The following SPAG16 variants were observed in gnomAD, a reference collection of about 807,000 sequenced individuals.
SPAG16 encodes sperm-associated antigen 16 protein.
Under a neutral mutation model 80.4 loss-of-function variants are expected in SPAG16, and 86 were observed. The ratio of observed to expected loss-of-function variants is 1.07; its 90% CI spans 0.90 to 1.28. The LOEUF (loss-of-function observed/expected upper bound fraction) is 1.28. Ranked by LOEUF, SPAG16 falls within the 50% of genes most tolerant of loss-of-function variation. The probability of loss-of-function intolerance (pLI) is 0.00; values close to 1 mark genes in which losing one functional copy is unlikely to be tolerated. For missense variants in SPAG16, 870 were observed against 765.3 expected, an observed-to-expected ratio of 1.14 and a Z score of -1.61; for synonymous variants, 294 against 265.9, an observed-to-expected ratio of 1.11 and a Z score of -1.03.
intron 13 of SPAG16, among the ~76,000 whole-genome samples, chr2:214,045,102 G>T (rs1051080191): frequency 6.6e-6 from 1 of 152,106 alleles, no homozygotes; most frequent in Non-Finnish European, 1.5e-5. Flanking sequence ...CCAGCCCCAG[G>T]CTGCACAGCT....
intron 12 of SPAG16, among the ~76,000 whole-genome samples, chr2:213,965,199 C>T (rs2044648261): frequency 6.6e-6 from 1 of 152,188 alleles, no homozygotes; most frequent in Non-Finnish European, 1.5e-5. Flanking sequence ...GCATAGAGTG[C>T]AGTCCCCCTG....
chr2:214,122,485 T>C (rs1006485462), intron 14 of SPAG16, among the ~76,000 whole-genome samples: 1 of 151,888 alleles, frequency 6.6e-6, no homozygotes. Context: ...GTCTCCACTT[T>C]AGCAAAGGAA....
intron 6 of SPAG16, among the ~76,000 whole-genome samples, chr2:213,346,222 C>A (rs1316095236): frequency 6.6e-6 from 1 of 152,148 alleles, no homozygotes; most frequent in Admixed American, 6.5e-5. Context: ...GATTTTTGCA[C>A]ATTGATTTTG....
chr2:214,117,237 A>G (rs1382427538), intron 14 of SPAG16, among the ~76,000 whole-genome samples: 2 of 151,662 alleles, frequency 1.3e-5, no homozygotes, highest in East Asian at 3.9e-4. Flanking sequence ...AGTGGAGAGC[A>G]TTAACAGCAG....
chr2:213,571,882 A>C (rs1178487232), intron 10 of SPAG16, among the ~76,000 whole-genome samples: 1 of 137,048 alleles, frequency 7.3e-6, no homozygotes, highest in Non-Finnish European at 1.5e-5. Flanking sequence ...CACCAATCAG[A>C]CATAGATTTG....
At chr2:213,569,909 C>T (rs2059862530) in intron 10 of SPAG16, among the ~76,000 whole-genome samples, 1 of 133,318 alleles carries the variant, frequency 7.5e-6, no homozygotes, top group Non-Finnish European at 1.5e-5. Flanking sequence ...GTCACAATTT[C>T]AGAGCCTGTT....
chr2:213,797,128 G>A (rs1466000718), intron 10 of SPAG16, among the ~76,000 whole-genome samples: 1 of 151,728 alleles, frequency 6.6e-6, no homozygotes, highest in Non-Finnish European at 1.5e-5. Flanking sequence ...GCTGTACAAT[G>A]TATGTTTTAA....
At chr2:213,420,037 C>T (rs899154285) in intron 9 of SPAG16, among the ~76,000 whole-genome samples, 3 of 152,052 alleles carry the variant, frequency 2.0e-5, no homozygotes, top group African/African-American at 7.2e-5. Flanking sequence ...TTTTTTTATA[C>T]CTTTATTTTA....
chr2:213,349,849 T>TG (rs1305814901), intron 6 of SPAG16, among the ~76,000 whole-genome samples: 3 of 152,186 alleles, frequency 2.0e-5, no homozygotes, highest in Non-Finnish European at 4.4e-5. Flanking sequence ...TAGAATTTTC[T>TG]GGGGTGTTAG....
intron 9 of SPAG16, among the ~76,000 whole-genome samples, chr2:213,429,907 G>A (rs1198843191): frequency 2.0e-5 from 3 of 152,116 alleles, no homozygotes; most frequent in African/African-American, 4.8e-5. Context: ...ATAAATTAGT[G>A]TAATAACATA....
intron 10 of SPAG16, among the ~76,000 whole-genome samples, chr2:213,588,595 G>A (rs1166908480): frequency 1.3e-5 from 2 of 150,822 alleles, no homozygotes; most frequent in African/African-American, 2.4e-5. Flanking sequence ...GAGGTCAGGA[G>A]ATCGAGACCA....
At chr2:214,098,786 T>C (rs761259309) in intron 13 of SPAG16, among the ~76,000 whole-genome samples, 9 of 152,132 alleles carry the variant, frequency 5.9e-5, no homozygotes, top group Admixed American at 1.3e-4. Flanking sequence ...AGTTACCCAT[T>C]GAGCAAATCC....
In SPAG16 at chr2:213,351,033, G is replaced by A. The variant is rs540853654; in HGVS notation, c.762+388G>A. On this transcript the variant is annotated intron_variant, in intron 7 of 15. Transcript: ENST00000331683. ...GGCACAGGCCTGTAATCCCTGCTACGTGGGAGGCTGAGGCATGAGAATCAT... is the reference window on the plus strand; with the variant it reads ...GGCACAGGCCTGTAATCCCTGCTACATGGGAGGCTGAGGCATGAGAATCAT... Among the ~76,000 whole-genome samples the A allele has an allele frequency of 2.0e-5, 3 of 151,714 alleles. No individual in the cohort carries two copies. In the South Asian group the frequency reaches 6.2e-4, roughly 32 times the overall value.
chr2:214,186,125 G>C (rs143485127), intron 15 of SPAG16, among the ~76,000 whole-genome samples: 17 of 152,220 alleles, frequency 1.1e-4, no homozygotes, highest in Admixed American at 8.5e-4. Context: ...AGCATTACTG[G>C]ATAAACTGGG....
At chr2:213,698,481 C>T (rs2065253973) in intron 10 of SPAG16, among the ~76,000 whole-genome samples, 1 of 152,154 alleles carries the variant, frequency 6.6e-6, no homozygotes, top group South Asian at 2.1e-4. Context: ...AGGATGGTAT[C>T]AAACTCCTGG....
chr2:213,809,841 T>C (rs1575200504), intron 10 of SPAG16, among the ~76,000 whole-genome samples: 1 of 152,196 alleles, frequency 6.6e-6, no homozygotes, highest in South Asian at 2.1e-4. Context: ...ATTAACTCTG[T>C]TTCTAGAAAT....
chr2:214,067,456 A>G (rs1014550161), intron 13 of SPAG16, among the ~76,000 whole-genome samples: 5 of 152,166 alleles, frequency 3.3e-5, no homozygotes, highest in Non-Finnish European at 7.4e-5. Context: ...GCTCTACTGC[A>G]TGCATAAAGC....
At chr2:214,332,408 G>A (rs952487804) in intron 15 of SPAG16, among the ~76,000 whole-genome samples, 8 of 152,204 alleles carry the variant, frequency 5.3e-5, no homozygotes, top group Non-Finnish European at 1.2e-4. Context: ...CACAGCTACT[G>A]GGGTGGCTGA....
chr2:213,701,511 G>A (rs1415880489), intron 10 of SPAG16, among the ~76,000 whole-genome samples: 1 of 152,088 alleles, frequency 6.6e-6, no homozygotes, highest in East Asian at 1.9e-4. Flanking sequence ...TCTCTGGGCT[G>A]GCCAAGGCCA....
Sources: allele counts gnomAD v4.1 joint callset (sites outside exome capture counted in the v4.1 genomes callset), GRCh38; gene constraint gnomAD v4.1.1; transcripts MANE v1.5; gene names NCBI Gene and HGNC (gene_info 2026-07-23, HGNC 2026-07-21).